MYH10: variants seen among roughly 807,000 people sequenced by gnomAD.
MYH10 encodes myosin-10.
In MYH10, 55 loss-of-function variants were observed where a neutral mutation model predicts 257.8. That is an observed-to-expected ratio of 0.21 (90% confidence interval 0.17 to 0.27). MYH10 has a LOEUF of 0.27. MYH10 is among the 10% of genes least tolerant of loss of function. MYH10 has a pLI of 1.00. For synonymous variants in MYH10, 854 were observed against 921.7 expected, an observed-to-expected ratio of 0.93 and a Z score of 1.33; for missense variants, 1,631 against 2,500.6, an observed-to-expected ratio of 0.65 and a Z score of 7.42.
chr17:8,552,891 G>A lies in MYH10; in HGVS notation c.821-747C>T, dbSNP rs1335443034. ...AGTCCCCAGCAGCTCCTGCATTTCA[G>A]ACCACTGCACACCCAGCTGTGTATC... is the stretch of plus-strand genomic sequence containing the variant. On this transcript the variant is annotated intron_variant, in intron 8 of 42. Coordinates refer to ENST00000360416, the MANE Select transcript of MYH10 (RefSeq NM_001256012.3). The surrounding 1 kb of genome is among the most constrained non-coding windows in gnomAD (Gnocchi z 4.8). Among the ~76,000 whole-genome samples, 3 of 152,166 alleles carry A rather than the reference G, an allele frequency of 2.0e-5. No individual in the cohort carries two copies. The highest frequency in any genetic ancestry group is 4.4e-5 in the Non-Finnish European group (3 of 68,028).
At chr17:8,542,079 A>T in intron 14 of MYH10, 28 bp downstream of exon 14, 2 of 1,584,188 alleles carry the variant, frequency 1.3e-6, no homozygotes, top group African/African-American at 1.3e-5. Flanking sequence ...TGGAAAATGA[A>T]AGACAGCGAG....
Position 8,504,389 on chromosome 17 carries a change from G to GC in MYH10, c.3599+304dup, listed in dbSNP as rs1457952468. On this transcript the variant is annotated intron_variant, in intron 28 of 42. Transcript: ENST00000360416. This position sits in a 1 kb window ranked among gnomAD's most constrained non-coding sequence, Gnocchi z 5.6. ...CTATCTATCTAAATCTCTTTTCACT[G>GC]CCCCCTGCTCTGTGTAGTTGTCACT... 6.6e-6 allele frequency among the ~76,000 whole-genome samples: 1 copy of GC among 151,824 alleles called. No individual in the cohort carries two copies. The highest frequency in any genetic ancestry group is 1.5e-5 in the Non-Finnish European group (1 of 67,984).
In MYH10 at chr17:8,475,705, G is replaced by T; in HGVS notation, c.*99C>A. 7.2e-7 allele frequency: 1 copy of T among 1,396,296 alleles called. No individual in the cohort carries two copies. The allele number at this position is 1,396,296 out of a possible 1,614,324, so 86.5% of individuals were successfully genotyped here. Reference sequence around the variant, plus strand: ...CCTTAAGACACAGTTGATCTTTCAGGAAGGAATCCCGTAGCTTGCCAATTT... The same window carrying T: ...CCTTAAGACACAGTTGATCTTTCAGTAAGGAATCCCGTAGCTTGCCAATTT... On this transcript the variant is annotated 3_prime_UTR_variant, in exon 43 of 43. Transcript: ENST00000360416.
At chr17:8,512,400 A>C in intron 24 of MYH10, 51 bp downstream of exon 24, 1 of 1,421,974 alleles carries the variant, frequency 7.0e-7, no homozygotes, top group Non-Finnish European at 9.7e-7. Flanking sequence ...TATTCAACAG[A>C]TCCACTTGAA....
intron 35 of MYH10, 62 bp from the exon 36 acceptor site, chr17:8,487,656 A>G: frequency 1.3e-6 from 2 of 1,589,828 alleles, no homozygotes; most frequent in Non-Finnish European, 1.7e-6. Flanking sequence ...GAACAGGCAG[A>G]CTGTTCTCAA....
At chr17:8,592,190 A>C (rs1002826528) in intron 3 of MYH10, among the ~76,000 whole-genome samples, 1 of 152,342 alleles carries the variant, frequency 6.6e-6, no homozygotes, top group South Asian at 2.1e-4. Context: ...TGTTGAATCA[A>C]ATCATTTTCT....
chr17:8,524,506 G>T (rs1204200214), intron 17 of MYH10, among the ~76,000 whole-genome samples: 1 of 138,486 alleles, frequency 7.2e-6, no homozygotes, highest in Non-Finnish European at 1.5e-5. Context: ...TATGGAGAGG[G>T]GACAAAGGCC....
chr17:8,492,631 CTTTTTT>C (rs74648985), intron 33 of MYH10, 122 bp from the exon 34 acceptor site: 54 of 949,652 alleles, frequency 5.7e-5, no homozygotes, highest in African/African-American at 1.2e-4. Context: ...CTTGTATTTC[CTTTTTT>C]TTTTTTTTTT....
chr17:8,600,254 G>A lies in MYH10; in HGVS notation c.502+4572C>T, dbSNP rs147351982. 5.6e-3 allele frequency among the ~76,000 whole-genome samples: 852 copies of A among 152,304 alleles called. 16 individuals are homozygous for A. The South Asian group carries it at 0.067, about 12-fold the overall frequency. Reference sequence around the variant, plus strand: ...GACAAGGGAGGGGTTTAGGAAATGGGTAGAAGATGGCCATGAAATCTAAAT... The same window carrying A: ...GACAAGGGAGGGGTTTAGGAAATGGATAGAAGATGGCCATGAAATCTAAAT... On this transcript the variant is annotated intron_variant, in intron 3 of 42. Transcript: ENST00000360416.
intron 38 of MYH10, among the ~76,000 whole-genome samples, chr17:8,480,878 G>A (rs564744129): frequency 9.9e-4 from 78 of 78,906 alleles, no homozygotes; most frequent in Non-Finnish European, 1.5e-3. Flanking sequence ...ACTCTTCAGT[G>A]GTTTCCAATG....
intron 21 of MYH10, among the ~76,000 whole-genome samples, chr17:8,517,560 T>G (rs1331108587): frequency 6.6e-6 from 1 of 152,238 alleles, no homozygotes; most frequent in Middle Eastern, 3.2e-3. Flanking sequence ...CAGTTCTAAG[T>G]CCTTTGAATT....
rs2082411814 is a variant in MYH10, at chr17:8,545,372, C to A, written c.1431+76G>T. On this transcript the variant is annotated intron_variant, in intron 13 of 42. Coordinates refer to ENST00000360416, the MANE Select transcript of MYH10 (RefSeq NM_001256012.3). This position sits in a 1 kb window ranked among gnomAD's most constrained non-coding sequence, Gnocchi z 4.7. ...TCCCTGGTGCCTCGTATGTACTGGGCACACAGTAAGCCTTCATATTTGTTA... is the reference window on the plus strand; with the variant it reads ...TCCCTGGTGCCTCGTATGTACTGGGAACACAGTAAGCCTTCATATTTGTTA... 1 of 1,530,152 alleles carries A rather than the reference C, an allele frequency of 6.5e-7. No homozygotes were observed. The highest frequency in any genetic ancestry group is 1.4e-5 in the African/African-American group (1 of 71,890). The allele number at this position is 1,530,152 out of a possible 1,614,324, so 94.8% of individuals were successfully genotyped here. A position where few individuals can be genotyped will look rare whatever the true frequency, so the allele number is the denominator to read the frequency against.
At position 8,548,342 on chromosome 17, in the gene MYH10, G is replaced by A; in HGVS notation, c.1130C>T (p.Thr377Ile). Residue 377 changes from threonine to isoleucine, a missense_variant, in exon 11 of 43, where the codon ACT (threonine) becomes ATT (isoleucine). By Grantham distance (89) the Thr-to-Ile change is moderately conservative. Transcript: ENST00000360416. ...GNISFKKERN[T>I]DQASMPENTV... The stretch of plus-strand genomic sequence containing the variant: ...ATTTTCTGGCATGGAAGCTTGATCA[G>A]TATTTCTCTCCTTTTTGAAAGAAAT... The A allele has an allele frequency of 6.2e-7, 1 of 1,612,530 alleles. No homozygotes were observed. Among genetic ancestry groups the A allele is most frequent in the Non-Finnish European group, 8.5e-7 (1 of 1,178,998 alleles).
intron 6 of MYH10, among the ~76,000 whole-genome samples, chr17:8,571,076 C>T (rs140569320): frequency 6.6e-6 from 1 of 152,126 alleles, no homozygotes; most frequent in Admixed American, 6.5e-5. Context: ...TACATGGCAT[C>T]GGTTTATTTT....
intron 16 of MYH10, among the ~76,000 whole-genome samples, chr17:8,534,445 T>A (rs2082086746): frequency 6.6e-6 from 1 of 152,176 alleles, no homozygotes; most frequent in Admixed American, 6.5e-5. Flanking sequence ...AAGATGATCT[T>A]TTATAGGGTC....
At chr17:8,495,708 C>T (rs1263786374) in intron 30 of MYH10, among the ~76,000 whole-genome samples, 38 of 151,246 alleles carry the variant, frequency 2.5e-4, no homozygotes, top group Admixed American at 2.5e-3. Context: ...AAAAGGGGTA[C>T]AAGAAAGTTT....
In MYH10 at chr17:8,535,239, C is replaced by G; in HGVS notation, c.1894+148G>C. On this transcript the variant is annotated intron_variant, in intron 16 of 42. Transcript: ENST00000360416. This position sits in a 1 kb window ranked among gnomAD's most constrained non-coding sequence, Gnocchi z 4.3. ...CAAGTATTGTTAAAACGGATAAATT[C>G]CGATATAACGGCAGCCCTGCTCTAG... 1 of 559,284 alleles carries G rather than the reference C, an allele frequency of 1.8e-6. No homozygotes were observed. The highest frequency in any genetic ancestry group is 3.1e-6 in the Non-Finnish European group (1 of 325,704). The allele number at this position is 559,284 out of a possible 1,614,324, so 34.6% of individuals were successfully genotyped here. A position where few individuals can be genotyped will look rare whatever the true frequency, so the allele number is the denominator to read the frequency against.
chr17:8,605,008 T>TAA, intron 2 of MYH10, 26 bp from the exon 3 acceptor site: 26 of 1,193,804 alleles, frequency 2.2e-5, no homozygotes, highest in South Asian at 1.1e-4. Flanking sequence ...AATAGAGTAT[T>TAA]AAAAAAAAAA....
At chr17:8,529,077 G>A (rs1430895074) in intron 17 of MYH10, among the ~76,000 whole-genome samples, 2 of 152,224 alleles carry the variant, frequency 1.3e-5, no homozygotes, top group Non-Finnish European at 1.5e-5. Flanking sequence ...AGAGGCTCTG[G>A]GCTGGATGCT....
Sources: allele counts gnomAD v4.1 joint callset (sites outside exome capture counted in the v4.1 genomes callset), GRCh38; gene constraint gnomAD v4.1.1; non-coding constraint Gnocchi (gnomAD v3.1); transcripts MANE v1.5; gene names NCBI Gene and HGNC (gene_info 2026-07-23, HGNC 2026-07-21).